The following DIPK1B variants were observed in gnomAD, a reference collection of about 807,000 sequenced individuals.
The protein encoded by DIPK1B is divergent protein kinase domain 1B, also known as family with sequence similarity 69 member B.
DIPK1B carries 17 observed loss-of-function variants against 20.7 expected under a neutral mutation model. The ratio of observed to expected loss-of-function variants is 0.82; its 90% CI spans 0.56 to 1.23. The LOEUF is 1.23. DIPK1B is among the 50% of genes most tolerant of loss of function. The pLI is 0.00. For synonymous variants in DIPK1B, 343 were observed against 276.5 expected, an observed-to-expected ratio of 1.24 and a Z score of -2.39; for missense variants, 648 against 601.8, an observed-to-expected ratio of 1.08 and a Z score of -0.80.
At position 136,717,572 on chromosome 9, in the gene DIPK1B, C is replaced by T; in HGVS notation, c.64-5C>T. ...CACCTCCTCACGCAGCCCCTTCCCCCACAGGGCCGGCTCCCAGGCCTCAGG... is the reference window on the plus strand; with the variant it reads ...CACCTCCTCACGCAGCCCCTTCCCCTACAGGGCCGGCTCCCAGGCCTCAGG... On this transcript the variant is annotated splice_polypyrimidine_tract_variant and splice_region_variant and intron_variant, in intron 1 of 4. Coordinates refer to ENST00000371692, the MANE Select transcript of DIPK1B (RefSeq NM_152421.4). 1.3e-6 allele frequency: 2 copies of T among 1,598,068 alleles called. No individual in the cohort carries two copies. Among genetic ancestry groups the T allele is most frequent in the Non-Finnish European group, 1.7e-6 (2 of 1,179,278 alleles).
intron 1 of DIPK1B, among the ~76,000 whole-genome samples, chr9:136,714,481 C>T (rs577843704): frequency 3.3e-5 from 5 of 152,280 alleles, no homozygotes; most frequent in East Asian, 1.9e-4. Context: ...GCCCTAGGCC[C>T]GAGGCCAGCT....
chr9:136,722,334 G>A (rs1466838935), intron 4 of DIPK1B, 33 bp downstream of exon 4: 1 of 1,597,110 alleles, frequency 6.3e-7, no homozygotes, highest in Non-Finnish European at 8.5e-7. Context: ...CAGGGCAGGA[G>A]TCCACACCAC....
chr9:136,722,017 C>G lies in DIPK1B; in HGVS notation c.295C>G (p.Pro99Ala). The G allele has an allele frequency of 6.2e-7, 1 of 1,613,246 alleles. No homozygotes were observed. The highest frequency in any genetic ancestry group is 8.5e-7 in the Non-Finnish European group (1 of 1,179,900). The change falls in exon 3 of 5, where the codon CCG (proline) becomes GCG (alanine). Residue 99 changes from proline to alanine, a missense_variant. Pro to Ala is a conservative substitution (Grantham distance 27). Coordinates refer to ENST00000371692, the MANE Select transcript of DIPK1B (RefSeq NM_152421.4). ...GTGGAGGACCTGCCTCTCGGTGGCC[C>G]CGGGCCAGCAGGTATAGCCACTGGC... The part of the protein sequence containing the change: ...VEWRTCLSVA[P>A]GQQVYSGLWR...
At position 136,718,240 on chromosome 9, in the gene DIPK1B, C is replaced by T. The variant is rs56704720; in HGVS notation, c.198+529C>T. Among the ~76,000 whole-genome samples, 2 of 25,872 alleles carry T rather than the reference C, an allele frequency of 7.7e-5. 1 individual carries two copies. Among genetic ancestry groups the T allele is most frequent in the South Asian group, 2.0e-3 (2 of 986 alleles). 17.0% of individuals were successfully genotyped at this position (25,872 alleles called of 152,430 possible). A position where few individuals can be genotyped will look rare whatever the true frequency, so the allele number is the denominator to read the frequency against. ...ACCACTGTGTGCTGGCCTCACTGGT[C>T]CGGGATAGAGACCCCCGTGTGCTGG... On this transcript the variant is annotated intron_variant, in intron 2 of 4. Coordinates refer to ENST00000371692, the MANE Select transcript of DIPK1B (RefSeq NM_152421.4).
chr9:136,717,907 C>T (rs564658550), intron 2 of DIPK1B, among the ~76,000 whole-genome samples, 196 bp downstream of exon 2: 218 of 99,818 alleles, frequency 2.2e-3, no homozygotes, highest in Middle Eastern at 5.9e-3. Context: ...GGGAGACGTG[C>T]GGGGCTGCCT....
chr9:136,722,380 T>C lies in DIPK1B; in HGVS notation c.483+79T>C, dbSNP rs541402763. On this transcript the variant is annotated intron_variant, in intron 4 of 4. Coordinates refer to ENST00000371692, the MANE Select transcript of DIPK1B (RefSeq NM_152421.4). ...CCAGCAGGCGGCCCTGGCACCAACA[T>C]GCCCAGCGCAAAGGCACAGATGGGC... 4.7e-6 allele frequency: 7 copies of C among 1,481,844 alleles called. No individual in the cohort carries two copies. The East Asian group carries it at 1.5e-4, about 31-fold the overall frequency. The allele number at this position is 1,481,844 out of a possible 1,614,324, so 91.8% of individuals were successfully genotyped here. A position where few individuals can be genotyped will look rare whatever the true frequency, so the allele number is the denominator to read the frequency against.
At position 136,723,612 on chromosome 9, in the gene DIPK1B, G is replaced by A. The variant is rs1358206654; in HGVS notation, c.1134G>A (p.Leu378=). 1.3e-6 allele frequency: 2 copies of A among 1,583,470 alleles called. No homozygotes were observed. The highest frequency in any genetic ancestry group is 2.7e-5 in the African/African-American group (2 of 74,318). ...GCGCACTGCTACGGGGCTACCTGCT[G>A]CCTGGCGCGCCCGCCGACCTCCGCG... ...KVCALLRGYL[L]PGAPADLREE... The change falls in exon 5 of 5, where the codon CTG becomes CTA. Residue 378 remains leucine (L), a synonymous_variant. Transcript: ENST00000371692.
Position 136,722,212 on chromosome 9 carries a change from G to GC in DIPK1B, c.400dup (p.Arg134ProfsTer8), listed in dbSNP as rs749259295. The GC allele has an allele frequency of 6.2e-6, 10 of 1,613,846 alleles. No homozygotes were observed. Among genetic ancestry groups the GC allele is most frequent in the Admixed American group, 3.3e-5 (2 of 59,998 alleles). Reference sequence around the variant, plus strand: ...CGACTCCAAGGCCCGGTCGGATGCGGCCCCCCGGCGGGAGCTGGTACTGTT... The same window carrying GC: ...CGACTCCAAGGCCCGGTCGGATGCGGCCCCCCCGGCGGGAGCTGGTACTGTT... On this transcript the variant is annotated frameshift_variant, in exon 4 of 5. Transcript: ENST00000371692. LOFTEE classifies it high-confidence loss of function.
chr9:136,712,616 C>CTGAA lies in DIPK1B; in HGVS notation c.-47_-46insATGA. The CTGAA allele has an allele frequency of 2.1e-6, 2 of 945,214 alleles. No homozygotes were observed. The highest frequency in any genetic ancestry group is 8.5e-5 in the South Asian group (2 of 23,540). 58.6% of individuals were successfully genotyped at this position (945,214 alleles called of 1,614,324 possible). A position where few individuals can be genotyped will look rare whatever the true frequency, so the allele number is the denominator to read the frequency against. On this transcript the variant is annotated 5_prime_UTR_variant, in exon 1 of 5. It adds an upstream start codon to the 5' untranslated region. Coordinates refer to ENST00000371692, the MANE Select transcript of DIPK1B (RefSeq NM_152421.4). The surrounding 1 kb of genome is among the most constrained non-coding windows in gnomAD (Gnocchi z 5.6). ...CGCTGCGGGCCGGGCCGGGCCGGGG[C>CTGAA]TGAGGCCGAGCGAGCCGCGGGGCCC...
chr9:136,717,712 G>GT lies in DIPK1B; in HGVS notation c.198+2dup. On this transcript the variant is annotated splice_donor_variant, in intron 2 of 4. Transcript: ENST00000371692. LOFTEE classifies it high-confidence loss of function. ...CGGCCATGTCTGCCAGGTGGTCATT[G>GT]TAAGTGTTGCTTGTGCGGGCTGGGG... 19 of 1,611,162 alleles carry GT rather than the reference G, an allele frequency of 1.2e-5. No homozygotes were observed. The highest frequency in any genetic ancestry group is 1.7e-5 in the Admixed American group (1 of 60,028).
chr9:136,718,314 C>T (rs1300698796), intron 2 of DIPK1B, among the ~76,000 whole-genome samples: 1 of 152,026 alleles, frequency 6.6e-6, no homozygotes, highest in Non-Finnish European at 1.5e-5. Context: ...TTAGTGGCCT[C>T]GCTAGCCCCC....
intron 3 of DIPK1B, 26 bp from the exon 4 acceptor site, chr9:136,722,099 C>T (rs753774230): frequency 9.9e-6 from 16 of 1,613,634 alleles, no homozygotes; most frequent in East Asian, 8.9e-5. Context: ...GATGTCTGCA[C>T]GGAGGACCTC....
At chr9:136,720,787 G>A (rs1846587175) in intron 2 of DIPK1B, 1 of 152,310 alleles carries the variant, frequency 6.6e-6, no homozygotes, top group Admixed American at 6.5e-5. Flanking sequence ...AGGAGGTAGA[G>A]GCTGGGGCTC....
In DIPK1B at chr9:136,724,111, A is replaced by T; in HGVS notation, c.*337A>T. The T allele has an allele frequency of 3.2e-6, 1 of 309,790 alleles. No individual in the cohort carries two copies. The highest frequency in any genetic ancestry group is 6.1e-6 in the Non-Finnish European group (1 of 163,196). The allele number at this position is 309,790 out of a possible 1,614,324, so 19.2% of individuals were successfully genotyped here. The stretch of plus-strand genomic sequence containing the variant: ...CCTTCGCCCCGCTGTGGATCCACCC[A>T]GCCCAGGCACTCAGGCTGGGGTTGA... On this transcript the variant is annotated 3_prime_UTR_variant, in exon 5 of 5. Transcript: ENST00000371692.
chr9:136,716,264 C>CTTTTTTTTTT (rs71385760), intron 1 of DIPK1B, among the ~76,000 whole-genome samples: 1 of 121,268 alleles, frequency 8.2e-6, no homozygotes, highest in Admixed American at 8.6e-5. Flanking sequence ...GAGTCTGTGT[C>CTTTTTTTTTT]TTTTTTTTTT....
At chr9:136,721,817 C>T (rs1034370294) in intron 2 of DIPK1B, 104 bp from the exon 3 acceptor site, 7 of 991,142 alleles carry the variant, frequency 7.1e-6, no homozygotes, top group Non-Finnish European at 1.1e-5. Flanking sequence ...AGCTTTCCAA[C>T]TGCAGCAAGT....
intron 2 of DIPK1B, chr9:136,721,454 T>C (rs1401027447): frequency 3.0e-5 from 5 of 164,908 alleles, no homozygotes; most frequent in Admixed American, 1.2e-4. Flanking sequence ...GAGGCAGGAA[T>C]GAAGAGTCAG....
intron 1 of DIPK1B, among the ~76,000 whole-genome samples, chr9:136,713,067 G>C (rs1393925279): frequency 6.6e-6 from 1 of 152,186 alleles, no homozygotes; most frequent in Admixed American, 6.5e-5. Flanking sequence ...TTCTGCGGTA[G>C]AAAACTTGGG....
Position 136,723,246 on chromosome 9 carries a change from G to A in DIPK1B, c.768G>A (p.Leu256=). ...PLLRPLLPPA[L]QGALQQWLGP... Reference sequence around the variant, plus strand: ...TGCGCCCACTGCTGCCGCCTGCCCTGCAGGGTGCTCTCCAGCAGTGGCTGG... The same window carrying A: ...TGCGCCCACTGCTGCCGCCTGCCCTACAGGGTGCTCTCCAGCAGTGGCTGG... The change falls in exon 5 of 5, where the codon CTG becomes CTA. Residue 256 remains leucine, a synonymous_variant. Transcript: ENST00000371692. 3 of 1,612,372 alleles carry A rather than the reference G, an allele frequency of 1.9e-6. No individual in the cohort carries two copies. The highest frequency in any genetic ancestry group is 1.7e-6 in the Non-Finnish European group (2 of 1,179,664).
Sources: allele counts gnomAD v4.1 joint callset (sites outside exome capture counted in the v4.1 genomes callset), GRCh38; gene constraint gnomAD v4.1.1; non-coding constraint Gnocchi (gnomAD v3.1); transcripts MANE v1.5; gene names NCBI Gene and HGNC (gene_info 2026-07-23, HGNC 2026-07-21).